Variants in MGAT4C observed in about 807,000 individuals in gnomAD.
The protein encoded by MGAT4C is alpha-1,3-mannosyl-glycoprotein 4-beta-N-acetylglucosaminyltransferase C.
Under a neutral mutation model 40.1 loss-of-function variants are expected in MGAT4C, and 19 were observed. The observed-to-expected ratio is 0.47, with a 90% CI of 0.33 to 0.70. The LOEUF is 0.70. Among genes scored for constraint, MGAT4C ranks in the 30% least tolerant of loss-of-function variants. MGAT4C has a pLI of 0.02. For missense variants in MGAT4C, 491 were observed against 563.2 expected (o/e 0.87, Z 1.30); for synonymous variants, 181 against 187.1 (o/e 0.97, Z 0.27).
At chr12:86,459,856 TTGA>T (rs1957570899) in intron 2 of MGAT4C, among the ~76,000 whole-genome samples, 1 of 151,594 alleles carries the variant, frequency 6.6e-6, no homozygotes, top group African/African-American at 2.4e-5. Flanking sequence ...AGCAAGGAAG[TTGA>T]TGCCTAAAGG....
At chr12:86,829,801 C>T (rs1018971256) in intron 1 of MGAT4C, among the ~76,000 whole-genome samples, 2 of 149,606 alleles carry the variant, frequency 1.3e-5, no homozygotes, top group African/African-American at 2.5e-5. Flanking sequence ...TTGAAAAGAC[C>T]TTAAGGTAAC....
chr12:86,774,345 C>CTCTTTCTTTCTT (rs1951709025), intron 1 of MGAT4C, among the ~76,000 whole-genome samples: 1 of 14,910 alleles, frequency 6.7e-5, no homozygotes. Context: ...CTTTCTGTCT[C>CTCTTTCTTTCTT]TCTCTCTCCC....
chr12:86,637,630 G>T (rs1431889453), intron 2 of MGAT4C, among the ~76,000 whole-genome samples: 3 of 151,704 alleles, frequency 2.0e-5, no homozygotes, highest in South Asian at 4.2e-4. Context: ...AATATGCTAG[G>T]TATAACTTGT....
intron 4 of MGAT4C, among the ~76,000 whole-genome samples, chr12:86,315,638 G>A (rs1222763075): frequency 6.6e-6 from 1 of 152,108 alleles, no homozygotes; most frequent in African/African-American, 2.4e-5. Context: ...CCCGGGAGGC[G>A]GAGCTTGCAG....
intron 4 of MGAT4C, among the ~76,000 whole-genome samples, chr12:86,317,895 A>G (rs964521353): frequency 6.6e-6 from 1 of 151,500 alleles, no homozygotes; most frequent in South Asian, 2.1e-4. Context: ...GTTATTTTTT[A>G]AATATGATAT....
chr12:86,300,591 G>A (rs9919783), intron 4 of MGAT4C, among the ~76,000 whole-genome samples: 98,054 of 151,970 alleles, frequency 0.65, 32,535 homozygotes, highest in South Asian at 0.77. Flanking sequence ...ACCAAGAAGT[G>A]ATAGCACTAC....
chr12:86,072,807 T>C (rs759028484), intron 1 of MGAT4C, among the ~76,000 whole-genome samples: 11 of 152,200 alleles, frequency 7.2e-5, no homozygotes, highest in Non-Finnish European at 1.5e-4. Flanking sequence ...ATTGTGATAA[T>C]AGATTTATGA....
At chr12:85,983,089 T>C (rs1884797426) in intron 4 of MGAT4C, among the ~76,000 whole-genome samples, 1 of 152,196 alleles carries the variant, frequency 6.6e-6, no homozygotes, top group African/African-American at 2.4e-5. Flanking sequence ...AGCCAGTCAC[T>C]TTGTGGTAAT....
At chr12:86,291,777 CT>C (rs1433257671) in intron 4 of MGAT4C, among the ~76,000 whole-genome samples, 1 of 151,652 alleles carries the variant, frequency 6.6e-6, no homozygotes. Context: ...TTGCACCAAC[CT>C]AATAACTGCA....
At chr12:86,656,306 T>C (rs1324273055) in intron 2 of MGAT4C, among the ~76,000 whole-genome samples, 2 of 151,832 alleles carry the variant, frequency 1.3e-5, no homozygotes, top group East Asian at 1.9e-4. Flanking sequence ...AGAAAATGAG[T>C]ATATTTAACA....
chr12:86,272,026 A>G (rs143392977), intron 4 of MGAT4C, among the ~76,000 whole-genome samples: 78 of 151,608 alleles, frequency 5.1e-4, no homozygotes, highest in African/African-American at 1.8e-3. Flanking sequence ...GATGAAGAGA[A>G]CTGGTTAAAG....
At chr12:86,358,981 T>C (rs1955386344) in intron 3 of MGAT4C, among the ~76,000 whole-genome samples, 1 of 152,202 alleles carries the variant, frequency 6.6e-6, no homozygotes, top group South Asian at 2.1e-4. Context: ...GTAGACCTAA[T>C]AGACATCTAC....
At chr12:86,243,900 C>T (rs963057073) in intron 1 of MGAT4C, among the ~76,000 whole-genome samples, 1 of 152,122 alleles carries the variant, frequency 6.6e-6, no homozygotes, top group Non-Finnish European at 1.5e-5. Context: ...TTTGTGGTAA[C>T]TTGTTACACA....
intron 1 of MGAT4C, among the ~76,000 whole-genome samples, chr12:86,122,929 G>C (rs1342502341): frequency 6.6e-6 from 1 of 152,108 alleles, no homozygotes; most frequent in Admixed American, 6.5e-5. Context: ...GAAAGGGAGA[G>C]GCATAACGCA....
intron 2 of MGAT4C, among the ~76,000 whole-genome samples, chr12:86,510,951 G>C (rs373149225): frequency 7.3e-5 from 11 of 151,712 alleles, no homozygotes; most frequent in African/African-American, 2.7e-4. Flanking sequence ...AAGTCAACAA[G>C]GATACCCAGG....
intron 1 of MGAT4C, among the ~76,000 whole-genome samples, chr12:86,142,054 C>G (rs1262633776): frequency 6.6e-6 from 1 of 152,128 alleles, no homozygotes; most frequent in Non-Finnish European, 1.5e-5. Context: ...GAAGCCTCAT[C>G]AACTTTATTA....
chr12:86,706,602 A>G (rs1445304893), intron 2 of MGAT4C, among the ~76,000 whole-genome samples: 1 of 152,086 alleles, frequency 6.6e-6, no homozygotes, highest in Non-Finnish European at 1.5e-5. Context: ...CATTTATAGT[A>G]CATTCTTTAG....
At chr12:86,354,528 A>G (rs1436656947) in intron 3 of MGAT4C, among the ~76,000 whole-genome samples, 1 of 152,210 alleles carries the variant, frequency 6.6e-6, no homozygotes, top group Non-Finnish European at 1.5e-5. Context: ...GAAGTTCTCA[A>G]AAAGAAATAG....
rs187116936 is a variant in MGAT4C, at chr12:86,371,648, G to C, written c.-119-37521C>G. Among the ~76,000 whole-genome samples the C allele has an allele frequency of 2.1e-3, 321 of 152,088 alleles. 2 individuals carry two copies. The highest frequency in any genetic ancestry group is 7.3e-3 in the African/African-American group (304 of 41,552). ...CAGAAGTAGCTAGGACCCTGACTTA[G>C]AGCACTTTTCTCTTTGAATGAAATT... On this transcript the variant is annotated intron_variant, in intron 3 of 7. Transcript: ENST00000548651.
Sources: allele counts gnomAD v4.1 joint callset (sites outside exome capture counted in the v4.1 genomes callset), GRCh38; gene constraint gnomAD v4.1.1; transcripts MANE v1.5; gene names NCBI Gene and HGNC (gene_info 2026-07-23, HGNC 2026-07-21).